The following KMT2C variants were observed in gnomAD, a reference collection of about 807,000 sequenced individuals.
KMT2C encodes lysine methyltransferase 2C.
In KMT2C, 88 loss-of-function variants were observed where a neutral mutation model predicts 507.9. That is an observed-to-expected ratio of 0.17 (90% CI 0.15 to 0.21). The LOEUF is 0.21. Among genes scored for constraint, KMT2C ranks in the 10% least tolerant of loss-of-function variants. The pLI, the probability that KMT2C is intolerant of heterozygous loss-of-function variation, is 1.00. For missense variants in KMT2C, 4,954 were observed against 5,957.8 expected, an observed-to-expected ratio of 0.83 and a Z score of 5.55; for synonymous variants, 2,049 against 2,080.8, an observed-to-expected ratio of 0.98 and a Z score of 0.42.
At chr7:152,306,079 C>T (rs1373344454) in intron 6 of KMT2C, among the ~76,000 whole-genome samples, 1 of 152,198 alleles carries the variant, frequency 6.6e-6, no homozygotes, top group Non-Finnish European at 1.5e-5. Flanking sequence ...TTTCATACTT[C>T]TGATCTCAAC....
chr7:152,181,114 G>T lies in KMT2C; in HGVS notation c.6746C>A (p.Pro2249His), dbSNP rs1425960038. The change falls in exon 36 of 59, where the codon CCT becomes CAT. Residue 2249 changes from proline (P) to histidine (H), a missense_variant. Coordinates refer to ENST00000262189, the MANE Select transcript of KMT2C (RefSeq NM_170606.3). ...TRPVLMPNQD[P>H]FLQAAQNRGP... ...TCGGTTTTGTGCTGCTTGCAGGAAA[G>T]GATCCTGATTTGGCATGAGGACTGG... 6.2e-7 allele frequency: 1 copy of T among 1,614,054 alleles called. No homozygotes were observed. The highest frequency in any genetic ancestry group is 8.5e-7 in the Non-Finnish European group (1 of 1,180,042).
intron 1 of KMT2C, among the ~76,000 whole-genome samples, chr7:152,393,370 CAAAT>C (rs772272302): frequency 3.9e-5 from 6 of 152,142 alleles, no homozygotes; most frequent in Non-Finnish European, 8.8e-5. Context: ...AATTATATAA[CAAAT>C]ACTTACTTTC....
At chr7:152,227,218 T>A (rs996239140) in intron 18 of KMT2C, among the ~76,000 whole-genome samples, 23 of 152,332 alleles carry the variant, frequency 1.5e-4, no homozygotes, top group African/African-American at 5.3e-4. Context: ...CAACAATTTC[T>A]CCCTCTTTGA....
chr7:152,258,832 G>A (rs1457899408), intron 9 of KMT2C, among the ~76,000 whole-genome samples: 1 of 152,130 alleles, frequency 6.6e-6, no homozygotes, highest in African/African-American at 2.4e-5. Flanking sequence ...AGCCTAGGGA[G>A]TAAGTTTTTC....
chr7:152,416,924 C>T (rs2116708843), intron 1 of KMT2C, among the ~76,000 whole-genome samples: 1 of 151,348 alleles, frequency 6.6e-6, no homozygotes, highest in South Asian at 2.1e-4. Flanking sequence ...TGGCACACGC[C>T]TGTAATCCCA....
At position 152,187,820 on chromosome 7, in the gene KMT2C, T is replaced by C. The variant is rs1326821691; in HGVS notation, c.4688A>G (p.Asn1563Ser). ...QDAFSRMPLMNGLIGSSPHLP... is the reference protein window; with the variant it reads ...QDAFSRMPLMSGLIGSSPHLP... ...ATGAGGACTGGATCCAATAAGGCCA[T>C]TCATGAGAGGCATCCGTGAAAAAGC... The change falls in exon 32 of 59, where the codon AAT (asparagine) becomes AGT (serine). Residue 1563 changes from asparagine (N) to serine (S), a missense_variant. Coordinates refer to ENST00000262189, the MANE Select transcript of KMT2C (RefSeq NM_170606.3). 4 of 1,613,764 alleles carry C rather than the reference T, an allele frequency of 2.5e-6. No individual in the cohort carries two copies. The highest frequency in any genetic ancestry group is 3.4e-6 in the Non-Finnish European group (4 of 1,179,850).
intron 1 of KMT2C, among the ~76,000 whole-genome samples, chr7:152,362,590 C>A (rs946240260): frequency 6.6e-5 from 10 of 152,086 alleles, no homozygotes; most frequent in Non-Finnish European, 1.3e-4. Context: ...TCATAAACAT[C>A]CACTTTTAAA....
intron 9 of KMT2C, among the ~76,000 whole-genome samples, chr7:152,254,144 G>A (rs1470894115): frequency 1.3e-5 from 2 of 152,024 alleles, no homozygotes; most frequent in African/African-American, 2.4e-5. Flanking sequence ...AGCTGGGCAC[G>A]GTGGCACAGA....
intron 41 of KMT2C, among the ~76,000 whole-genome samples, chr7:152,168,227 T>C (rs1172746133): frequency 6.6e-6 from 1 of 151,912 alleles, no homozygotes; most frequent in African/African-American, 2.4e-5. Flanking sequence ...AATGAATAAA[T>C]ACATTTCTAA....
intron 1 of KMT2C, chr7:152,366,726 G>A (rs1731323523): frequency 5.7e-6 from 1 of 176,726 alleles, no homozygotes; most frequent in African/African-American, 2.4e-5. Flanking sequence ...CTTAAAAATA[G>A]TTAAGGGGTT....
At chr7:152,184,149 G>C (rs2093542615) in intron 34 of KMT2C, among the ~76,000 whole-genome samples, 1 of 143,404 alleles carries the variant, frequency 7.0e-6, no homozygotes, top group Non-Finnish European at 1.5e-5. Flanking sequence ...CTGGATATTT[G>C]AAACGTATCA....
chr7:152,399,008 T>C (rs1421568445), intron 1 of KMT2C, among the ~76,000 whole-genome samples: 1 of 149,826 alleles, frequency 6.7e-6, no homozygotes, highest in Non-Finnish European at 1.5e-5. Context: ...TGTGGGATTT[T>C]TTTAGGGGTA....
At chr7:152,412,649 G>A (rs62495273) in intron 1 of KMT2C, among the ~76,000 whole-genome samples, 2 of 151,966 alleles carry the variant, frequency 1.3e-5, no homozygotes, top group African/African-American at 4.8e-5. Flanking sequence ...AAGAAACAAC[G>A]TAACTGCAGT....
At chr7:152,178,599 CA>C (rs2093314906) in intron 37 of KMT2C, among the ~76,000 whole-genome samples, 1 of 151,936 alleles carries the variant, frequency 6.6e-6, no homozygotes, top group Non-Finnish European at 1.5e-5. Flanking sequence ...GACAGGATTA[CA>C]GGCAACTTAC....
intron 2 of KMT2C, among the ~76,000 whole-genome samples, chr7:152,357,184 A>C (rs1224971598): frequency 6.6e-6 from 1 of 151,704 alleles, no homozygotes; most frequent in Non-Finnish European, 1.5e-5. Flanking sequence ...CCGAGATCAC[A>C]CCACTGTAGT....
At chr7:152,200,212 T>C (rs889779339) in intron 26 of KMT2C, among the ~76,000 whole-genome samples, 2 of 152,178 alleles carry the variant, frequency 1.3e-5, no homozygotes, top group Admixed American at 1.3e-4. Context: ...TTTAACACAT[T>C]CTTGCCAAAC....
Position 152,300,487 on chromosome 7 carries a change from C to T in KMT2C, c.849+9479G>A, listed in dbSNP as rs1265980995. 3.3e-5 allele frequency among the ~76,000 whole-genome samples: 5 copies of T among 152,106 alleles called. No homozygotes were observed. The East Asian group carries it at 9.6e-4, about 29-fold the overall frequency. ...GCAGTCACATATGTTGTTGTATTTT[C>T]GTTAAGGGGGAAAGAAGGTAGTCTG... is the stretch of plus-strand genomic sequence containing the variant. On this transcript the variant is annotated intron_variant, in intron 6 of 58. Coordinates refer to ENST00000262189, the MANE Select transcript of KMT2C (RefSeq NM_170606.3).
intron 7 of KMT2C, among the ~76,000 whole-genome samples, chr7:152,269,701 T>C (rs1370973608): frequency 6.6e-6 from 1 of 152,200 alleles, no homozygotes; most frequent in Non-Finnish European, 1.5e-5. Flanking sequence ...ACTTTACTAC[T>C]GATCAATGAA....
intron 1 of KMT2C, among the ~76,000 whole-genome samples, chr7:152,386,055 C>T (rs2097422921): frequency 6.6e-6 from 1 of 151,264 alleles, no homozygotes; most frequent in Non-Finnish European, 1.5e-5. Flanking sequence ...CCACTGCACT[C>T]CAGCCCGAGT....
Sources: gnomAD v4.1 joint callset for allele counts (sites outside exome capture counted in the v4.1 genomes callset) on GRCh38, gnomAD v4.1.1 for gene constraint, MANE v1.5 for transcripts, NCBI Gene and HGNC (gene_info 2026-07-23, HGNC 2026-07-21) for gene names.